LOC128071544: variants seen among roughly 807,000 people sequenced by gnomAD.
the LOC128071544 span, chr1:147,611,725 C>A: frequency 1.9e-6 from 2 of 1,031,404 alleles, no homozygotes; most frequent in Non-Finnish European, 3.0e-6. Flanking sequence ...AAGGGACGCA[C>A]CCAGCAAGCA....
the LOC128071544 span, chr1:147,611,765 G>GT: frequency 1.3e-6 from 2 of 1,494,722 alleles, no homozygotes; most frequent in South Asian, 2.3e-5. Context: ...CCCAGCAGCT[G>GT]TTTCTGCTGC....
chr1:147,611,624 A>C, the LOC128071544 span: 1 of 575,200 alleles, frequency 1.7e-6, no homozygotes, highest in African/African-American at 1.9e-5. Context: ...GGAGGCACGC[A>C]CCCAGAGAAT....
chr1:147,611,792 G>T, the LOC128071544 span: 2 of 1,596,058 alleles, frequency 1.3e-6, no homozygotes, highest in Non-Finnish European at 1.7e-6. Context: ...AGAGGAACTC[G>T]GTGAGCCTGT....
chr1:147,611,665 C>T, the LOC128071544 span: 1 of 622,776 alleles, frequency 1.6e-6, no homozygotes, highest in South Asian at 2.1e-5. Flanking sequence ...GGACCCACTT[C>T]CACAGCAGAG....
the LOC128071544 span, chr1:147,611,771 G>T: frequency 1.0e-5 from 16 of 1,536,556 alleles, no homozygotes; most frequent in Non-Finnish European, 1.3e-5. Flanking sequence ...AGCTGTTTCT[G>T]CTGCAACCCG....
the LOC128071544 span, chr1:147,611,710 G>T: frequency 1.2e-6 from 1 of 841,610 alleles, no homozygotes; most frequent in East Asian, 2.5e-5. Flanking sequence ...CAGGCAGCGA[G>T]CGCTAAGGGA....
the LOC128071544 span, chr1:147,611,593 C>G: frequency 1.1e-5 from 6 of 543,072 alleles, no homozygotes; most frequent in East Asian, 1.7e-4. Flanking sequence ...CCTGGAGATG[C>G]GAGATTTTCC....
At chr1:147,611,778 C>T in the LOC128071544 span, 1 of 1,561,268 alleles carries the variant, frequency 6.4e-7, no homozygotes, top group Non-Finnish European at 8.8e-7. Context: ...TCTGCTGCAA[C>T]CCGAGAGGAA....
At chr1:147,611,621 C>T in the LOC128071544 span, 1 of 567,378 alleles carries the variant, frequency 1.8e-6, no homozygotes, top group South Asian at 2.5e-5. Flanking sequence ...GCAGGAGGCA[C>T]GCACCCAGAG....
the LOC128071544 span, chr1:147,611,768 T>G: frequency 6.7e-7 from 1 of 1,502,978 alleles, no homozygotes; most frequent in Admixed American, 1.7e-5. Context: ...AGCAGCTGTT[T>G]CTGCTGCAAC....
the LOC128071544 span, chr1:147,611,678 A>G: frequency 1.5e-6 from 1 of 649,672 alleles, no homozygotes; most frequent in Non-Finnish European, 2.7e-6. Flanking sequence ...CAGCAGAGAA[A>G]AACAAAGAGG....
At chr1:147,611,792 G>A in the LOC128071544 span, 66 of 1,596,058 alleles carry the variant, frequency 4.1e-5, no homozygotes, top group African/African-American at 6.8e-4. Flanking sequence ...AGAGGAACTC[G>A]GTGAGCCTGT....
At chr1:147,611,770 T>C in the LOC128071544 span, 1 of 1,524,832 alleles carries the variant, frequency 6.6e-7, no homozygotes, top group Admixed American at 1.7e-5. Flanking sequence ...CAGCTGTTTC[T>C]GCTGCAACCC....
chr1:147,611,773 T>C, the LOC128071544 span: 8 of 1,547,198 alleles, frequency 5.2e-6, no homozygotes, highest in African/African-American at 1.4e-5. Context: ...CTGTTTCTGC[T>C]GCAACCCGAG....
the LOC128071544 span, chr1:147,611,779 C>A: frequency 1.3e-6 from 2 of 1,566,770 alleles, no homozygotes; most frequent in Non-Finnish European, 1.8e-6. Context: ...CTGCTGCAAC[C>A]CGAGAGGAAC....
the LOC128071544 span, chr1:147,611,671 C>T: frequency 1.6e-6 from 1 of 629,712 alleles, no homozygotes; most frequent in Non-Finnish European, 2.9e-6. Context: ...ACTTCCACAG[C>T]AGAGAAAAAC....
chr1:147,611,681 CAA>C, the LOC128071544 span: 7 of 654,160 alleles, frequency 1.1e-5, no homozygotes, highest in South Asian at 3.9e-5. Flanking sequence ...CAGAGAAAAA[CAA>C]AGAGGAAAAA....
the LOC128071544 span, chr1:147,611,691 A>G: frequency 1.5e-6 from 1 of 685,884 alleles, no homozygotes; most frequent in African/African-American, 1.8e-5. Flanking sequence ...CAAAGAGGAA[A>G]AAGGCATACA....
At chr1:147,611,660 C>T in the LOC128071544 span, 1 of 609,788 alleles carries the variant, frequency 1.6e-6, no homozygotes, top group South Asian at 2.1e-5. Flanking sequence ...GGAAAGGACC[C>T]ACTTCCACAG....
Sources: gnomAD v4.1 joint callset for allele counts on GRCh38, gnomAD v4.1.1 for gene constraint, MANE v1.5 for transcripts.